FOXN3: variants seen among roughly 807,000 people sequenced by gnomAD.
The protein encoded by FOXN3 is forkhead box protein N3.
In FOXN3, 7 loss-of-function variants were observed where a neutral mutation model predicts 38.4. That is an observed-to-expected ratio of 0.18 (90% CI 0.10 to 0.34). The LOEUF (loss-of-function observed/expected upper bound fraction) is 0.34, where lower values mean the gene tolerates loss of function less well. FOXN3 is among the 10% of genes least tolerant of loss of function. FOXN3 has a pLI of 1.00. For missense variants in FOXN3, 456 were observed against 613.4 expected (o/e 0.74, Z 2.71); for synonymous variants, 230 against 242.2 (o/e 0.95, Z 0.47).
At chr14:89,446,292 G>C (rs955308260) in intron 1 of FOXN3, among the ~76,000 whole-genome samples, 1 of 143,944 alleles carries the variant, frequency 6.9e-6, no homozygotes, top group Non-Finnish European at 1.5e-5. Context: ...GGGTTCAAGC[G>C]ATTCTCCTGC....
chr14:89,567,716 C>T (rs1037785451), intron 1 of FOXN3, among the ~76,000 whole-genome samples: 10 of 129,448 alleles, frequency 7.7e-5, no homozygotes, highest in Non-Finnish European at 1.4e-4. Flanking sequence ...AAACAAATCT[C>T]GTTGATTTTT....
At chr14:89,579,150 ATTTTTTTTT>A (rs35744248) in intron 1 of FOXN3, among the ~76,000 whole-genome samples, 1 of 127,762 alleles carries the variant, frequency 7.8e-6, no homozygotes, top group Non-Finnish European at 1.6e-5. Flanking sequence ...ATGCCCAGCC[ATTTTTTTTT>A]TTTTTTTTTT....
At chr14:89,432,555 A>G (rs1892181553) in intron 1 of FOXN3, among the ~76,000 whole-genome samples, 1 of 152,178 alleles carries the variant, frequency 6.6e-6, no homozygotes. Flanking sequence ...TTTACAGATG[A>G]GGACACCAAG....
chr14:89,433,282 G>C (rs1275004055), intron 1 of FOXN3, among the ~76,000 whole-genome samples: 3 of 152,188 alleles, frequency 2.0e-5, no homozygotes, highest in Non-Finnish European at 4.4e-5. Flanking sequence ...AGGAGTTCAA[G>C]ACCAACCTGG....
chr14:89,535,248 A>C lies in FOXN3; in HGVS notation c.-15+83780T>G, dbSNP rs1894662300. On this transcript the variant is annotated intron_variant, in intron 1 of 6. Coordinates refer to the FOXN3 transcript ENST00000345097. ...AAGGTGAAATTTCAGCTGGAAATCT[A>C]CTCTAAAAGATCTTCAAGAAACAGT... Among the ~76,000 whole-genome samples the C allele has an allele frequency of 2.7e-5, 4 of 147,832 alleles. No individual in the cohort carries two copies. The Admixed American group carries it at 2.7e-4, about 10-fold the overall frequency.
intron 4 of FOXN3, among the ~76,000 whole-genome samples, chr14:89,231,428 A>C (rs571828578): frequency 6.6e-6 from 1 of 152,222 alleles, no homozygotes; most frequent in South Asian, 2.1e-4. Context: ...TCAGGAGAGG[A>C]GAGGGCTGCC....
chr14:89,275,613 T>C (rs564260141), intron 4 of FOXN3, among the ~76,000 whole-genome samples: 4 of 152,304 alleles, frequency 2.6e-5, no homozygotes, highest in African/African-American at 9.6e-5. Flanking sequence ...AGGTATCTCA[T>C]ACATTTCAGC....
Position 89,385,915 on chromosome 14 carries a change from T to C in FOXN3, c.543+26019A>G, listed in dbSNP as rs757107892. Reference sequence around the variant, plus strand: ...ACAAGATGAGAACTACTTACGTAACTGAGGTGTCAAGATACTGGCTGAAGG... The same window carrying C: ...ACAAGATGAGAACTACTTACGTAACCGAGGTGTCAAGATACTGGCTGAAGG... On this transcript the variant is annotated intron_variant, in intron 2 of 5. Coordinates refer to ENST00000557258, the MANE Select transcript of FOXN3 (RefSeq NM_005197.4). Among the ~76,000 whole-genome samples the C allele has an allele frequency of 5.3e-5, 8 of 152,350 alleles. 1 individual carries two copies. In the East Asian group the frequency reaches 1.5e-3, roughly 29 times the overall value.
At chr14:89,576,574 G>A (rs2139903177) in intron 1 of FOXN3, 1 of 151,554 alleles carries the variant, frequency 6.6e-6, no homozygotes, top group South Asian at 2.1e-4. Context: ...AAAACAGGTT[G>A]CAAGTAAATT....
In FOXN3 at chr14:89,249,723, A is replaced by G. The variant is rs143557783; in HGVS notation, c.745+31227T>C. 4.1e-3 allele frequency among the ~76,000 whole-genome samples: 622 copies of G among 152,378 alleles called. 9 individuals are homozygous for G. Among genetic ancestry groups the G allele is most frequent in the African/African-American group, 0.015 (608 of 41,582 alleles). On this transcript the variant is annotated intron_variant, in intron 4 of 5. Coordinates refer to ENST00000557258, the MANE Select transcript of FOXN3 (RefSeq NM_005197.4). ...ACAAATCCAACGATGGGACAATGCC[A>G]TAAAAGACACGGTGGTGTATAGGAC...
At chr14:89,393,567 G>A (rs980812922) in intron 2 of FOXN3, among the ~76,000 whole-genome samples, 1 of 152,174 alleles carries the variant, frequency 6.6e-6, no homozygotes, top group Admixed American at 6.5e-5. Context: ...ATGGCCACAT[G>A]GCGGCCAGAA....
chr14:89,211,382 C>G (rs1343935924), intron 4 of FOXN3, among the ~76,000 whole-genome samples: 1 of 152,222 alleles, frequency 6.6e-6, no homozygotes, highest in Non-Finnish European at 1.5e-5. Context: ...TGGATGTGGA[C>G]AGAAAGTTCT....
intron 1 of FOXN3, among the ~76,000 whole-genome samples, chr14:89,489,144 C>T (rs777946307): frequency 2.6e-5 from 4 of 152,144 alleles, no homozygotes; most frequent in Non-Finnish European, 5.9e-5. Context: ...GCCAGCTTTG[C>T]CACTCAAATT....
chr14:89,442,169 A>C (rs1892401052), intron 1 of FOXN3, among the ~76,000 whole-genome samples: 1 of 151,864 alleles, frequency 6.6e-6, no homozygotes, highest in African/African-American at 2.4e-5. Context: ...CAGATGATCC[A>C]TCCACCTCAG....
chr14:89,403,200 T>A (rs1322898759), intron 2 of FOXN3, among the ~76,000 whole-genome samples: 2 of 152,214 alleles, frequency 1.3e-5, no homozygotes, highest in East Asian at 3.8e-4. Flanking sequence ...TTTTTTTTTT[T>A]TAATTTTTTG....
chr14:89,364,824 T>C (rs1183086209), intron 2 of FOXN3: 2 of 152,212 alleles, frequency 1.3e-5, no homozygotes, highest in African/African-American at 4.8e-5. Flanking sequence ...AGGGAACGCA[T>C]GTGGAACAGG....
At chr14:89,289,458 G>C (rs1886793396) in intron 3 of FOXN3, among the ~76,000 whole-genome samples, 1 of 152,170 alleles carries the variant, frequency 6.6e-6, no homozygotes, top group Non-Finnish European at 1.5e-5. Context: ...CACTGAGCTT[G>C]ATTTTTGGGC....
rs1413706952 is a variant in FOXN3 at position 89,611,113 on chromosome 14, TGCAAGAGCAGA to T, written c.-15+7904_-15+7914del. 3.9e-5 allele frequency among the ~76,000 whole-genome samples: 6 copies of T among 152,224 alleles called. No individual in the cohort carries two copies. The South Asian group carries it at 1.2e-3, about 31-fold the overall frequency. ...AATTTTTAAGTTTCCCCTACACTCT[TGCAAGAGCAGA>T]GCTCTTGCTTAGATGAAAAAATCAA... On this transcript the variant is annotated intron_variant, in intron 1 of 6. Coordinates refer to the FOXN3 transcript ENST00000345097.
intron 1 of FOXN3, among the ~76,000 whole-genome samples, chr14:89,496,805 C>A (rs1893692914): frequency 6.6e-6 from 1 of 152,158 alleles, no homozygotes; most frequent in Non-Finnish European, 1.5e-5. Context: ...CGACCCCAGC[C>A]CTTGGTAGCC....
Sources: allele counts gnomAD v4.1 joint callset (sites outside exome capture counted in the v4.1 genomes callset), GRCh38; gene constraint gnomAD v4.1.1; transcripts MANE v1.5; gene names NCBI Gene and HGNC (gene_info 2026-07-23, HGNC 2026-07-21).